DLGAP2: variants seen among roughly 807,000 people sequenced by gnomAD.
The protein encoded by DLGAP2 is DLG associated protein 2, also known as disks large-associated protein 2.
Under a neutral mutation model 100.3 loss-of-function variants are expected in DLGAP2, and 26 were observed. The observed-to-expected ratio is 0.26, with a 90% CI of 0.19 to 0.36. The LOEUF (loss-of-function observed/expected upper bound fraction) is 0.36. Ranked by LOEUF, DLGAP2 falls within the 10% of genes least tolerant of loss-of-function variation. The pLI, the probability that DLGAP2 is intolerant of heterozygous loss-of-function variation, is 1.00. For synonymous variants in DLGAP2, 886 were observed against 630.1 expected, an observed-to-expected ratio of 1.41 and a Z score of -6.08; for missense variants, 1,858 against 1,453.2, an observed-to-expected ratio of 1.28 and a Z score of -4.53.
intron 1 of DLGAP2, among the ~76,000 whole-genome samples, chr8:899,324 A>T (rs1461465815): frequency 6.6e-6 from 1 of 152,216 alleles, no homozygotes; most frequent in East Asian, 1.9e-4. Context: ...CAGAGCTGAG[A>T]CGTCCCCTGA....
In DLGAP2 at chr8:1,562,559, C is replaced by T. The variant is rs62484074; in HGVS notation, c.1231-3124C>T. On this transcript the variant is annotated intron_variant, in intron 5 of 14. Transcript: ENST00000637795. The stretch of plus-strand genomic sequence containing the variant: ...GGGGGACTGTGTGGTGTTGGGTGTC[C>T]GTGCCTCGTTGCTGGTGGACTGTGT... Among the ~76,000 whole-genome samples the T allele has an allele frequency of 5.6e-3, 228 of 41,014 alleles. 32 individuals are homozygous for T. The highest frequency in any genetic ancestry group is 0.022 in the African/African-American group (216 of 9,764). 26.9% of individuals were successfully genotyped at this position (41,014 alleles called of 152,430 possible). A position where few individuals can be genotyped will look rare whatever the true frequency, so the allele number is the denominator to read the frequency against.
chr8:1,118,549 G>GACTGCTGCTGCT (rs1795954083), intron 2 of DLGAP2, among the ~76,000 whole-genome samples: 2 of 151,582 alleles, frequency 1.3e-5, no homozygotes, highest in African/African-American at 2.4e-5. Context: ...AAATGAATGG[G>GACTGCTGCTGCT]GCTGCTGCTG....
chr8:949,535 G>T (rs1016281050), intron 2 of DLGAP2, among the ~76,000 whole-genome samples: 3 of 152,176 alleles, frequency 2.0e-5, no homozygotes, highest in Admixed American at 6.5e-5. Flanking sequence ...GGCACAGTCG[G>T]GCCAGTGCCT....
At chr8:906,587 G>A (rs997741057) in intron 1 of DLGAP2, among the ~76,000 whole-genome samples, 9 of 152,190 alleles carry the variant, frequency 5.9e-5, no homozygotes, top group Non-Finnish European at 1.0e-4. Context: ...AGCTCATCAG[G>A]GAAACAGTGT....
At chr8:1,510,084 G>GT (rs1563192341) in intron 4 of DLGAP2, among the ~76,000 whole-genome samples, 2 of 152,362 alleles carry the variant, frequency 1.3e-5, no homozygotes, top group Admixed American at 6.5e-5. Flanking sequence ...ATTCTGAAGA[G>GT]TTTTTTGTAA....
At chr8:1,590,637 A>C (rs1445836131) in intron 6 of DLGAP2, among the ~76,000 whole-genome samples, 1 of 152,250 alleles carries the variant, frequency 6.6e-6, no homozygotes, top group Non-Finnish European at 1.5e-5. Context: ...TGTGTACTCC[A>C]CACTCTCAAA....
chr8:1,425,678 C>A (rs1217695342), intron 3 of DLGAP2, among the ~76,000 whole-genome samples: 1 of 152,164 alleles, frequency 6.6e-6, no homozygotes, highest in Non-Finnish European at 1.5e-5. Context: ...GCCCTGATGG[C>A]AAGATGAGGC....
intron 1 of DLGAP2, among the ~76,000 whole-genome samples, chr8:804,052 G>A (rs1796221014): frequency 6.6e-6 from 1 of 152,170 alleles, no homozygotes; most frequent in Non-Finnish European, 1.5e-5. Flanking sequence ...CGAGAGTGGT[G>A]TTGGTTCAGA....
At chr8:1,694,859 T>G (rs1799341340) in intron 13 of DLGAP2, among the ~76,000 whole-genome samples, 1 of 152,052 alleles carries the variant, frequency 6.6e-6, no homozygotes, top group Admixed American at 6.5e-5. Flanking sequence ...CCATTGACTT[T>G]TTTTTTTTAT....
At chr8:1,429,712 C>A (rs1007154546) in intron 3 of DLGAP2, among the ~76,000 whole-genome samples, 2 of 151,712 alleles carry the variant, frequency 1.3e-5, no homozygotes, top group African/African-American at 4.8e-5. Context: ...GCACAACTCT[C>A]CAAGCAGACC....
intron 6 of DLGAP2, among the ~76,000 whole-genome samples, chr8:1,591,979 G>C (rs77660306): frequency 0.014 from 2,190 of 152,286 alleles, 52 homozygotes; most frequent in African/African-American, 0.051. Flanking sequence ...GGAAATCCGA[G>C]CACATTTTCC....
At chr8:1,325,579 G>T (rs1315656560) in intron 3 of DLGAP2, among the ~76,000 whole-genome samples, 2 of 152,198 alleles carry the variant, frequency 1.3e-5, no homozygotes, top group Non-Finnish European at 2.9e-5. Flanking sequence ...TTTTATTTGG[G>T]ATGCAAAAGG....
intron 2 of DLGAP2, among the ~76,000 whole-genome samples, chr8:1,197,925 C>T (rs1184972951): frequency 2.0e-5 from 3 of 152,190 alleles, no homozygotes; most frequent in African/African-American, 4.8e-5. Context: ...GGTGCATCCT[C>T]CCAGAACTGG....
In DLGAP2 at chr8:906,540, T is replaced by G. The variant is rs546841633; in HGVS notation, c.19-1372T>G. On this transcript the variant is annotated intron_variant, in intron 1 of 14. Transcript: ENST00000637795. ...CGTCAAACCCCGGGAGTTGAGTGTG[T>G]GTGTGTGTTCTTGCACTGTTGGGCA... is the stretch of plus-strand genomic sequence containing the variant. 5.3e-5 allele frequency among the ~76,000 whole-genome samples: 8 copies of G among 152,238 alleles called. No individual in the cohort carries two copies. The East Asian group carries it at 5.8e-4, about 11-fold the overall frequency.
chr8:1,616,004 G>A (rs745905128), intron 6 of DLGAP2, among the ~76,000 whole-genome samples: 1 of 152,074 alleles, frequency 6.6e-6, no homozygotes, highest in South Asian at 2.1e-4. Context: ...CAAGGTTAAA[G>A]ATGTTAAAGG....
intron 6 of DLGAP2, among the ~76,000 whole-genome samples, chr8:1,569,806 G>T (rs930343880): frequency 6.7e-4 from 102 of 152,162 alleles, no homozygotes; most frequent in African/African-American, 2.2e-3. Flanking sequence ...TCTGTGGAGG[G>T]CAGGGTAGAT....
intron 1 of DLGAP2, among the ~76,000 whole-genome samples, chr8:905,743 G>A (rs897734404): frequency 6.6e-6 from 1 of 152,174 alleles, no homozygotes; most frequent in Non-Finnish European, 1.5e-5. Flanking sequence ...CAGCTCCCAT[G>A]GAGGTGACAT....
intron 3 of DLGAP2, among the ~76,000 whole-genome samples, chr8:1,390,284 G>C (rs1796319551): frequency 6.6e-6 from 1 of 152,094 alleles, no homozygotes; most frequent in Admixed American, 6.5e-5. Flanking sequence ...AAATGTGTCT[G>C]TCACCTACAC....
intron 2 of DLGAP2, among the ~76,000 whole-genome samples, chr8:1,009,881 A>T (rs1293431716): frequency 6.6e-6 from 1 of 152,190 alleles, no homozygotes; most frequent in Non-Finnish European, 1.5e-5. Flanking sequence ...GAAATACCTC[A>T]TAGGAGATTG....
Sources: gnomAD v4.1 joint callset for allele counts (sites outside exome capture counted in the v4.1 genomes callset) on GRCh38, gnomAD v4.1.1 for gene constraint, MANE v1.5 for transcripts, NCBI Gene and HGNC (gene_info 2026-07-23, HGNC 2026-07-21) for gene names.